SAMD4A: variants seen among roughly 807,000 people sequenced by gnomAD.
SAMD4A encodes sterile alpha motif domain containing 4A.
In SAMD4A, 33 loss-of-function variants were observed where a neutral mutation model predicts 81.3. The ratio of observed to expected loss-of-function variants is 0.41; its 90% CI spans 0.31 to 0.54. The LOEUF is 0.54. Ranked by LOEUF, SAMD4A falls within the 20% of genes least tolerant of loss-of-function variation. The pLI is 0.37. For missense variants in SAMD4A, 854 were observed against 951.1 expected, an observed-to-expected ratio of 0.90 and a Z score of 1.34; for synonymous variants, 389 against 382.1, an observed-to-expected ratio of 1.02 and a Z score of -0.21.
intron 3 of SAMD4A, among the ~76,000 whole-genome samples, chr14:54,713,304 TTAAACAC>T (rs2037037393): frequency 6.6e-6 from 1 of 152,132 alleles, no homozygotes; most frequent in African/African-American, 2.4e-5. Context: ...TTTCTAACTG[TTAAACAC>T]TAAATCTCAT....
At chr14:54,656,872 G>A (rs2035531953) in intron 2 of SAMD4A, among the ~76,000 whole-genome samples, 1 of 152,126 alleles carries the variant, frequency 6.6e-6, no homozygotes, top group African/African-American at 2.4e-5. Context: ...CTCTCAAAGT[G>A]CTGGGATTAC....
upstream of SAMD4A, among the ~76,000 whole-genome samples, chr14:54,566,381 T>TC (rs1394791255): frequency 6.6e-6 from 1 of 151,482 alleles, no homozygotes; most frequent in South Asian, 2.1e-4. Flanking sequence ...CCCGGGGGCT[T>TC]CCCCCTCCGC....
chr14:54,720,270 T>C (rs1370488096), intron 3 of SAMD4A, among the ~76,000 whole-genome samples: 1 of 152,182 alleles, frequency 6.6e-6, no homozygotes, highest in East Asian at 1.9e-4. Context: ...GATATCACAT[T>C]TGATTTTTGG....
intron 2 of SAMD4A, chr14:54,681,835 A>G (rs2140575868): frequency 1.0e-6 from 1 of 985,376 alleles, no homozygotes; most frequent in South Asian, 4.7e-5. Context: ...CAAAGTAAGA[A>G]TTGGAACTCT....
At chr14:54,585,639 T>G (rs187948526) in intron 2 of SAMD4A, among the ~76,000 whole-genome samples, 1 of 152,304 alleles carries the variant, frequency 6.6e-6, no homozygotes, top group South Asian at 2.1e-4. Flanking sequence ...ATCATTCTTA[T>G]GTCTTTGCAT....
At chr14:54,568,399 A>C (rs2033015397) in intron 2 of SAMD4A, among the ~76,000 whole-genome samples, 1 of 151,824 alleles carries the variant, frequency 6.6e-6, no homozygotes, top group South Asian at 2.1e-4. Flanking sequence ...TCTCTCATGC[A>C]GTTTCCTGGG....
chr14:54,635,891 C>G (rs2035023903), intron 2 of SAMD4A, among the ~76,000 whole-genome samples: 1 of 152,192 alleles, frequency 6.6e-6, no homozygotes, highest in Admixed American at 6.5e-5. Flanking sequence ...AAATAGTTAT[C>G]AAGCAACTGC....
Position 54,790,556 on chromosome 14 carries a change from AGAG to A in SAMD4A, c.*1616_*1618del, listed in dbSNP as rs1356670181. 1 of 152,202 alleles carries A rather than the reference AGAG, an allele frequency of 6.6e-6. No homozygotes were observed. The highest frequency in any genetic ancestry group is 2.4e-5 in the African/African-American group (1 of 41,430). 9.4% of individuals were successfully genotyped at this position (152,202 alleles called of 1,614,324 possible). On this transcript the variant is annotated 3_prime_UTR_variant, in exon 13 of 13. Coordinates refer to ENST00000554335, the MANE Select transcript of SAMD4A (RefSeq NM_015589.6). ...AGTGGAGGGTATTAGAGGAAATCAA[AGAG>A]GAGTTGTGTGGAAAATCAGGTTGTG...
At chr14:54,576,352 T>A (rs2033296766) in intron 2 of SAMD4A, among the ~76,000 whole-genome samples, 1 of 151,716 alleles carries the variant, frequency 6.6e-6, no homozygotes, top group African/African-American at 2.4e-5. Context: ...TTTTGAAGAG[T>A]GGTAAATGAA....
At chr14:54,674,902 T>G (rs545624715) in intron 2 of SAMD4A, among the ~76,000 whole-genome samples, 1 of 152,278 alleles carries the variant, frequency 6.6e-6, no homozygotes, top group South Asian at 2.1e-4. Flanking sequence ...GCCCGTGCCA[T>G]GATGCCCAGC....
rs2035438663 is a variant in SAMD4A, at chr14:54,652,970, C to T, written c.197-49092C>T. The T allele has an allele frequency of 2.0e-5, 3 of 152,146 alleles. No homozygotes were observed. The South Asian group carries it at 6.2e-4, about 32-fold the overall frequency. 9.4% of individuals were successfully genotyped at this position (152,146 alleles called of 1,614,324 possible). A position where few individuals can be genotyped will look rare whatever the true frequency, so the allele number is the denominator to read the frequency against. The stretch of plus-strand genomic sequence containing the variant: ...TCTGCTAGTTCCCTCTGTGAGCCTT[C>T]TCTTTCCTCCCCGCCTCTCCAGCCG... On this transcript the variant is annotated intron_variant, in intron 2 of 12. Coordinates refer to ENST00000554335, the MANE Select transcript of SAMD4A (RefSeq NM_015589.6).
At chr14:54,735,307 A>G (rs2037665272) in intron 3 of SAMD4A, among the ~76,000 whole-genome samples, 1 of 151,724 alleles carries the variant, frequency 6.6e-6, no homozygotes, top group African/African-American at 2.4e-5. Context: ...GCCTTTTTAA[A>G]TAGTTTCTTC....
At chr14:54,604,658 A>G (rs547699023) in intron 2 of SAMD4A, among the ~76,000 whole-genome samples, 4 of 152,328 alleles carry the variant, frequency 2.6e-5, no homozygotes, top group Admixed American at 2.6e-4. Flanking sequence ...ATCCTAAATG[A>G]AAAAAGGGCT....
chr14:54,667,283 A>T (rs1367577773), intron 2 of SAMD4A, among the ~76,000 whole-genome samples: 1 of 152,178 alleles, frequency 6.6e-6, no homozygotes, highest in African/African-American at 2.4e-5. Flanking sequence ...ACCTCAGCTC[A>T]ATATCCTTAT....
chr14:54,565,985 C>T (rs1362539341), upstream of SAMD4A, among the ~76,000 whole-genome samples: 1 of 151,686 alleles, frequency 6.6e-6, no homozygotes. This position sits in a 1 kb window ranked among gnomAD's most constrained non-coding sequence, Gnocchi z 5.4. Flanking sequence ...CCCCCCGGCT[C>T]CCCCCGCGTG....
intron 2 of SAMD4A, chr14:54,692,879 C>CG (rs1555343993): frequency 1.4e-5 from 2 of 144,120 alleles, no homozygotes; most frequent in African/African-American, 2.5e-5. Context: ...ACTTAGTGCC[C>CG]CCCCCCGCAA....
chr14:54,590,015 A>T (rs531031457), intron 2 of SAMD4A, among the ~76,000 whole-genome samples: 1 of 152,246 alleles, frequency 6.6e-6, no homozygotes, highest in Non-Finnish European at 1.5e-5. Flanking sequence ...CGTAAGGTCC[A>T]TGAGATGAGG....
At chr14:54,723,243 AC>A (rs1177496771) in intron 3 of SAMD4A, among the ~76,000 whole-genome samples, 1 of 152,158 alleles carries the variant, frequency 6.6e-6, no homozygotes, top group Admixed American at 6.5e-5. Context: ...GAACAGCAGA[AC>A]CGTAAGCTTT....
At chr14:54,720,773 G>C (rs960165931) in intron 3 of SAMD4A, among the ~76,000 whole-genome samples, 7 of 152,078 alleles carry the variant, frequency 4.6e-5, no homozygotes, top group African/African-American at 1.7e-4. Flanking sequence ...CTTAGCACCA[G>C]GTTCCCCAAA....
Sources: gnomAD v4.1 joint callset for allele counts (sites outside exome capture counted in the v4.1 genomes callset) on GRCh38, gnomAD v4.1.1 for gene constraint, Gnocchi (gnomAD v3.1) non-coding constraint, MANE v1.5 for transcripts, NCBI Gene and HGNC (gene_info 2026-07-23, HGNC 2026-07-21) for gene names.